Variants in FOCAD observed in about 807,000 individuals in gnomAD.
FOCAD encodes focadhesin, also known as KIAA1797.
A neutral mutation model predicts 225.6 loss-of-function variants in FOCAD; 198 were observed. That is an observed-to-expected ratio of 0.88 (90% CI 0.78 to 0.99). The LOEUF (loss-of-function observed/expected upper bound fraction) is 0.99, where lower values mean the gene tolerates loss of function less well. Among genes scored for constraint, FOCAD ranks in the 50% least tolerant of loss-of-function variants. The pLI is 0.00. For synonymous variants in FOCAD, 897 were observed against 755.0 expected (o/e 1.19, Z -3.08); for missense variants, 2,713 against 2,123.6 (o/e 1.28, Z -5.46).
At chr9:20,702,798 C>G (rs1824067501) in intron 1 of FOCAD, among the ~76,000 whole-genome samples, 1 of 152,144 alleles carries the variant, frequency 6.6e-6, no homozygotes, top group African/African-American at 2.4e-5. Context: ...TTGTGAGGAT[C>G]TCGTGGAATT....
intron 7 of FOCAD, among the ~76,000 whole-genome samples, chr9:20,766,473 G>A (rs749052804): frequency 6.6e-6 from 1 of 152,028 alleles, no homozygotes; most frequent in Non-Finnish European, 1.5e-5. Context: ...TAGAGGAAGC[G>A]TACTATTTTG....
chr9:20,986,288 A>C lies in FOCAD; in HGVS notation c.4729A>C (p.Ser1577Arg). 3.3e-6 allele frequency: 1 copy of C among 306,374 alleles called. No individual in the cohort carries two copies. The highest frequency in any genetic ancestry group is 4.5e-6 in the Non-Finnish European group (1 of 220,692). The allele number at this position is 306,374 out of a possible 1,614,324, so 19.0% of individuals were successfully genotyped here. The stretch of plus-strand genomic sequence containing the variant: ...ACAATTTTTTTTTTTTTTTTTGCAG[A>C]GCAACATAGAAAAAGCTGCCTTTGT... ...DANRIAQVTK[S>R]NIEKAAFVKL... The change falls in exon 40 of 44, where the codon AGC becomes CGC. Residue 1577 changes from serine (S) to arginine (R), a missense_variant and splice_region_variant. Transcript: ENST00000338382.
intron 12 of FOCAD, 172 bp from the exon 13 acceptor site, chr9:20,820,152 G>A: frequency 1.8e-6 from 1 of 549,936 alleles, no homozygotes; most frequent in Non-Finnish European, 3.2e-6. Flanking sequence ...CCCCAGGATT[G>A]TTATCTAGCC....
At chr9:20,710,229 A>ATTTTTTTTTTTTTTTTTTTTTTTTTTTTT (rs749860355) in intron 1 of FOCAD, among the ~76,000 whole-genome samples, 4 of 102,292 alleles carry the variant, frequency 3.9e-5, no homozygotes, top group Non-Finnish European at 7.6e-5. Context: ...AGTAGCTGAG[A>ATTTTTTTTTTTTTTTTTTTTTTTTTTTTT]TTTTTTTTTT....
At chr9:20,758,990 C>G (rs1180410227) in intron 6 of FOCAD, among the ~76,000 whole-genome samples, 3 of 151,932 alleles carry the variant, frequency 2.0e-5, no homozygotes, top group Non-Finnish European at 2.9e-5. Flanking sequence ...AACAGAGAGC[C>G]AAATCATGAG....
chr9:20,670,427 T>G (rs957891868), intron 2 of FOCAD, among the ~76,000 whole-genome samples: 1 of 152,208 alleles, frequency 6.6e-6, no homozygotes, highest in African/African-American at 2.4e-5. Flanking sequence ...TCTGCATGGC[T>G]GGGGAGGCCT....
At chr9:20,807,420 A>G (rs1822578064) in intron 11 of FOCAD, among the ~76,000 whole-genome samples, 2 of 152,266 alleles carry the variant, frequency 1.3e-5, no homozygotes, top group South Asian at 2.1e-4. Context: ...TATGAGCTAC[A>G]TACGTAGGTT....
intron 5 of FOCAD, among the ~76,000 whole-genome samples, chr9:20,744,713 G>A (rs1166045385): frequency 6.6e-6 from 1 of 152,150 alleles, no homozygotes; most frequent in Non-Finnish European, 1.5e-5. Flanking sequence ...GCAGGTAAGG[G>A]TGGAGAACTG....
upstream of FOCAD, among the ~76,000 whole-genome samples, chr9:20,679,433 A>T (rs1237128040): frequency 6.6e-6 from 1 of 152,146 alleles, no homozygotes; most frequent in Non-Finnish European, 1.5e-5. Context: ...GCCTGAGTTC[A>T]AGGCTTTGTG....
chr9:20,753,049 G>C (rs1001750258), intron 5 of FOCAD, among the ~76,000 whole-genome samples: 2 of 152,016 alleles, frequency 1.3e-5, no homozygotes, highest in African/African-American at 4.8e-5. Flanking sequence ...TCAGCTTAAG[G>C]AGATTTTGGG....
At chr9:20,710,620 C>T (rs922275577) in intron 1 of FOCAD, among the ~76,000 whole-genome samples, 1 of 151,532 alleles carries the variant, frequency 6.6e-6, no homozygotes, top group Admixed American at 6.6e-5. Flanking sequence ...AATAATATAA[C>T]ATTTCCTTTT....
At position 20,815,670 on chromosome 9, in the gene FOCAD, G is replaced by T. The variant is rs1229677722; in HGVS notation, c.1456-4126G>T. Among the ~76,000 whole-genome samples the T allele has an allele frequency of 1.3e-5, 2 of 152,016 alleles. 1 individual carries two copies. The highest frequency in any genetic ancestry group is 2.9e-5 in the Non-Finnish European group (2 of 68,006). On this transcript the variant is annotated intron_variant, in intron 11 of 43. Transcript: ENST00000338382. ...AATTTGTTTATCAAGGAACTTAAAC[G>T]CTGGAGGAGGGAAGAGAAAGCATTG...
At chr9:20,761,918 C>G (rs942545433) in intron 6 of FOCAD, among the ~76,000 whole-genome samples, 4 of 152,148 alleles carry the variant, frequency 2.6e-5, no homozygotes, top group Non-Finnish European at 5.9e-5. Context: ...TAATGTCTTA[C>G]TCCACCGAAG....
At chr9:20,992,453 C>T (rs1483027113) in intron 42 of FOCAD, among the ~76,000 whole-genome samples, 2 of 152,194 alleles carry the variant, frequency 1.3e-5, no homozygotes, top group Non-Finnish European at 2.9e-5. Context: ...CTAGACCAAG[C>T]TGCACACAGA....
At position 20,933,052 on chromosome 9, in the gene FOCAD, A is replaced by G; in HGVS notation, c.3356A>G (p.Lys1119Arg). 6.2e-7 allele frequency: 1 copy of G among 1,614,012 alleles called. No homozygotes were observed. Among genetic ancestry groups the G allele is most frequent in the Non-Finnish European group, 8.5e-7 (1 of 1,179,904 alleles). ...SGQEMNLLLM[K>R]SLDALENCCF... The stretch of plus-strand genomic sequence containing the variant: ...CAAGAGATGAACCTTCTTCTGATGA[A>G]GTCGTTGGATGCCCTGGAAAATTGC... Residue 1119 changes from lysine to arginine, a missense_variant, in exon 28 of 44, where the codon AAG becomes AGG. Transcript: ENST00000338382.
At chr9:20,791,406 G>A (rs1820523934) in intron 11 of FOCAD, among the ~76,000 whole-genome samples, 1 of 151,988 alleles carries the variant, frequency 6.6e-6, no homozygotes, top group Admixed American at 6.6e-5. Context: ...TTTTGATACA[G>A]GTATAAAATG....
At chr9:20,742,771 C>T (rs883601) in intron 5 of FOCAD, among the ~76,000 whole-genome samples, 61,583 of 151,922 alleles carry the variant, frequency 0.41, 13,383 homozygotes, top group South Asian at 0.5. Flanking sequence ...TAGTTGGTTC[C>T]TTTAACTTCA....
intron 8 of FOCAD, 31 bp from the exon 9 acceptor site, chr9:20,778,650 A>G (rs780908208): frequency 3.1e-6 from 4 of 1,281,242 alleles, no homozygotes; most frequent in Admixed American, 1.7e-5. Context: ...AACTTCTTTA[A>G]CAACTCCTTT....
At chr9:20,857,279 G>C (rs1431214092) in intron 15 of FOCAD, among the ~76,000 whole-genome samples, 2 of 151,524 alleles carry the variant, frequency 1.3e-5, no homozygotes, top group African/African-American at 4.8e-5. Context: ...CTTCATCAAT[G>C]TTTCATAGTT....
Sources: gnomAD v4.1 joint callset for allele counts (sites outside exome capture counted in the v4.1 genomes callset) on GRCh38, gnomAD v4.1.1 for gene constraint, MANE v1.5 for transcripts, NCBI Gene and HGNC (gene_info 2026-07-23, HGNC 2026-07-21) for gene names.